The following CLIP1 variants were observed in gnomAD, a reference collection of about 807,000 sequenced individuals.
The protein encoded by CLIP1 is CAP-Gly domain containing linker protein 1.
A neutral mutation model predicts 161.6 loss-of-function variants in CLIP1; 66 were observed. That is an observed-to-expected ratio of 0.41 (90% CI 0.33 to 0.50). The LOEUF (loss-of-function observed/expected upper bound fraction) is 0.50. Ranked by LOEUF, CLIP1 falls within the 20% of genes least tolerant of loss-of-function variation. CLIP1 has a pLI of 0.27. For missense variants in CLIP1, 1,376 were observed against 1,702.0 expected (o/e 0.81, Z 3.37); for synonymous variants, 598 against 626.2 (o/e 0.96, Z 0.67).
rs368260844 is a variant in CLIP1, at chr12:122,364,567, A to AT, written c.658-461dup. Reference sequence around the variant, plus strand: ...ACAGGTGCACACCACCAAACAGGCTATTTTTTTTTGTATTTTTTGTGGAGA... The same window carrying AT: ...ACAGGTGCACACCACCAAACAGGCTATTTTTTTTTTGTATTTTTTGTGGAGA... On this transcript the variant is annotated intron_variant, in intron 3 of 25. Coordinates refer to ENST00000620786, the MANE Select transcript of CLIP1 (RefSeq NM_001247997.2). 9.2e-3 allele frequency among the ~76,000 whole-genome samples: 1,383 copies of AT among 150,372 alleles called. 11 individuals are homozygous for AT. The highest frequency in any genetic ancestry group is 0.03 in the African/African-American group (1,238 of 41,016).
At chr12:122,304,441 ACCTCTG>A (rs1468610787) in intron 20 of CLIP1, among the ~76,000 whole-genome samples, 1 of 152,032 alleles carries the variant, frequency 6.6e-6, no homozygotes, top group African/African-American at 2.4e-5. Context: ...ACTAACTGCA[ACCTCTG>A]CCTCCCGGGT....
intron 2 of CLIP1, among the ~76,000 whole-genome samples, chr12:122,379,944 T>TAAAAAAAAAAAAAAAAA (rs10661606): frequency 2.0e-5 from 2 of 99,722 alleles, no homozygotes; most frequent in African/African-American, 7.6e-5. Context: ...ACTCCATCTT[T>TAAAAAAAAAAAAAAAAA]AAAAAAAAAA....
intron 17 of CLIP1, among the ~76,000 whole-genome samples, chr12:122,326,921 C>T (rs1276833945): frequency 6.6e-6 from 1 of 152,058 alleles, no homozygotes; most frequent in African/African-American, 2.4e-5. Flanking sequence ...GAATATGGGC[C>T]TCCCAGATGA....
intron 5 of CLIP1, among the ~76,000 whole-genome samples, chr12:122,357,254 C>A (rs1953457660): frequency 6.6e-6 from 1 of 151,632 alleles, no homozygotes; most frequent in Non-Finnish European, 1.5e-5. Context: ...CCCGCTGCCC[C>A]ATCTGGGATG....
intron 14 of CLIP1, among the ~76,000 whole-genome samples, chr12:122,333,467 C>T (rs983586490): frequency 6.6e-6 from 1 of 152,120 alleles, no homozygotes; most frequent in African/African-American, 2.4e-5. Flanking sequence ...AGTGCACAGG[C>T]TCTGAGAAAG....
At chr12:122,336,415 A>T (rs1048921926) in intron 12 of CLIP1, among the ~76,000 whole-genome samples, 1 of 5,958 alleles carries the variant, frequency 1.7e-4, no homozygotes, top group South Asian at 7.6e-3. Flanking sequence ...GGATAGATTA[A>T]AAAAAAAAAA....
At chr12:122,287,458 G>A (rs1955904904) in intron 21 of CLIP1, among the ~76,000 whole-genome samples, 2 of 152,142 alleles carry the variant, frequency 1.3e-5, no homozygotes, top group South Asian at 2.1e-4. Flanking sequence ...TTTATTTTTA[G>A]TTTTGTTTTT....
intron 10 of CLIP1, 30 bp from the exon 11 acceptor site, chr12:122,341,727 T>G: frequency 1.7e-6 from 1 of 600,396 alleles, no homozygotes; most frequent in Non-Finnish European, 2.4e-6. Flanking sequence ...GAAAAAAAGA[T>G]CATTTAAATA....
intron 21 of CLIP1, among the ~76,000 whole-genome samples, chr12:122,281,349 A>G (rs1247708752): frequency 6.6e-6 from 1 of 152,098 alleles, no homozygotes; most frequent in African/African-American, 2.4e-5. Flanking sequence ...GCTTTTTGCC[A>G]CCTGGGAAGT....
chr12:122,326,418 G>A (rs1341222180), intron 17 of CLIP1, among the ~76,000 whole-genome samples: 1 of 152,154 alleles, frequency 6.6e-6, no homozygotes, highest in Non-Finnish European at 1.5e-5. Context: ...GATGAATCAC[G>A]CCTGCAATCC....
At chr12:122,293,172 T>C (rs933923973) in intron 20 of CLIP1, among the ~76,000 whole-genome samples, 1 of 151,916 alleles carries the variant, frequency 6.6e-6, no homozygotes, top group African/African-American at 2.4e-5. Flanking sequence ...GACCGAAAGA[T>C]GTGAATGGAC....
chr12:122,353,785 C>A (rs1953176129), intron 7 of CLIP1, among the ~76,000 whole-genome samples: 1 of 151,786 alleles, frequency 6.6e-6, no homozygotes, highest in African/African-American at 2.4e-5. Context: ...CGCCCGCCAA[C>A]AGGCCTGGCT....
intron 17 of CLIP1, among the ~76,000 whole-genome samples, chr12:122,326,322 G>A (rs1478014127): frequency 6.6e-6 from 1 of 151,874 alleles, no homozygotes; most frequent in East Asian, 1.9e-4. Flanking sequence ...GGTGGCTCAC[G>A]CCTGCAACCC....
chr12:122,356,802 T>C (rs1014515384), intron 5 of CLIP1, among the ~76,000 whole-genome samples: 2 of 152,204 alleles, frequency 1.3e-5, no homozygotes, highest in African/African-American at 4.8e-5. Context: ...CACGCCTGAC[T>C]GGTTTTCGTA....
intron 15 of CLIP1, among the ~76,000 whole-genome samples, chr12:122,329,698 T>A (rs1351390720): frequency 6.6e-6 from 1 of 151,978 alleles, no homozygotes; most frequent in African/African-American, 2.4e-5. Flanking sequence ...TGTTTCAAAA[T>A]TTTAGCAGAC....
In CLIP1 at chr12:122,272,881, G is replaced by A. The variant is rs773421298; in HGVS notation, c.4311C>T (p.Thr1437=). Residue 1437 remains threonine (T), a synonymous_variant, in exon 26 of 26, where the codon ACC becomes ACT. Transcript: ENST00000620786. ...HWATNCNDDE[T]F ...TTCTCCACTGGAGGCTTCATCAGAA[G>A]GTTTCGTCGTCATTGCAGTTGGTGG... 6.2e-7 allele frequency: 1 copy of A among 1,614,178 alleles called. No individual in the cohort carries two copies. The highest frequency in any genetic ancestry group is 1.1e-5 in the South Asian group (1 of 91,088).
chr12:122,418,174 T>C (rs1956819206), intron 1 of CLIP1, among the ~76,000 whole-genome samples: 1 of 152,126 alleles, frequency 6.6e-6, no homozygotes, highest in Non-Finnish European at 1.5e-5. Context: ...GATTTCTGTC[T>C]TTTATTCACT....
chr12:122,278,334 AC>A, intron 23 of CLIP1, 131 bp from the exon 24 acceptor site: 1 of 803,044 alleles, frequency 1.2e-6, no homozygotes, highest in Non-Finnish European at 2.0e-6. Flanking sequence ...CAGATGCACC[AC>A]TTTCAGCACA....
chr12:122,352,800 C>T lies in CLIP1; in HGVS notation c.1308-14G>A. On this transcript the variant is annotated splice_polypyrimidine_tract_variant and intron_variant, in intron 7 of 25. Coordinates refer to ENST00000620786, the MANE Select transcript of CLIP1 (RefSeq NM_001247997.2). ...TCCTCAACCTTCCTGTGGAATAAAA[C>T]CCAAACAAAACACTTAAGAAACTAA... 1 of 1,610,292 alleles carries T rather than the reference C, an allele frequency of 6.2e-7. No homozygotes were observed. Among genetic ancestry groups the T allele is most frequent in the Non-Finnish European group, 8.5e-7 (1 of 1,176,758 alleles).
Sources: allele counts gnomAD v4.1 joint callset (sites outside exome capture counted in the v4.1 genomes callset), GRCh38; gene constraint gnomAD v4.1.1; transcripts MANE v1.5; gene names NCBI Gene and HGNC (gene_info 2026-07-23, HGNC 2026-07-21).